CYTH4: variants seen among roughly 807,000 people sequenced by gnomAD.
CYTH4 encodes the protein cytohesin 4.
Under a neutral mutation model 57.5 loss-of-function variants are expected in CYTH4, and 22 were observed. The observed-to-expected ratio is 0.38, with a 90% CI of 0.27 to 0.55. The LOEUF (loss-of-function observed/expected upper bound fraction) is 0.55, where lower values mean the gene tolerates loss of function less well. Among genes scored for constraint, CYTH4 ranks in the 20% least tolerant of loss-of-function variants. The pLI is 0.74. For synonymous variants in CYTH4, 186 were observed against 206.5 expected (o/e 0.90, Z 0.85); for missense variants, 420 against 535.6 (o/e 0.78, Z 2.13).
chr22:37,301,025 A>G lies in CYTH4; in HGVS notation c.547+6A>G. ...AGGCGTCTTCCAGTCCACAGGTGCCAGGAGGGGAGTGGGACCCAGGGCTCC... is the reference window on the plus strand; with the variant it reads ...AGGCGTCTTCCAGTCCACAGGTGCCGGGAGGGGAGTGGGACCCAGGGCTCC... On this transcript the variant is annotated splice_donor_region_variant and intron_variant, in intron 7 of 12. Coordinates refer to ENST00000248901, the MANE Select transcript of CYTH4 (RefSeq NM_013385.5). 6.2e-7 allele frequency: 1 copy of G among 1,612,816 alleles called. No homozygotes were observed. The highest frequency in any genetic ancestry group is 8.5e-7 in the Non-Finnish European group (1 of 1,179,056).
rs1445111811 is a variant in CYTH4, at chr22:37,295,559, T to C, written c.168-440T>C. On this transcript the variant is annotated intron_variant, in intron 3 of 12. Transcript: ENST00000248901. The surrounding 1 kb of genome is among the most constrained non-coding windows in gnomAD (Gnocchi z 4.1). ...AGGTGCTTTAACCTCTCAACAATGC[T>C]GGGAGGCAGGTGGTGGTATCACCTC... is the stretch of plus-strand genomic sequence containing the variant. Among the ~76,000 whole-genome samples, 1 of 152,174 alleles carries C rather than the reference T, an allele frequency of 6.6e-6. No homozygotes were observed. The highest frequency in any genetic ancestry group is 1.5e-5 in the Non-Finnish European group (1 of 68,022).
chr22:37,308,948 C>T (rs536855273), intron 8 of CYTH4, among the ~76,000 whole-genome samples: 2 of 152,114 alleles, frequency 1.3e-5, no homozygotes, highest in African/African-American at 4.8e-5. Context: ...CCCCTGCTCG[C>T]TCTGCCCTGC....
rs768882263 is a variant in CYTH4, at chr22:37,282,626, G to A, written c.19+38G>A. ...CGTCAACCTCTCTGGGCCTCAGGGT[G>A]CTCTCTTTTAGAATGGGACAGCAGC... On this transcript the variant is annotated intron_variant, in intron 1 of 12. Transcript: ENST00000248901. 4 of 1,571,496 alleles carry A rather than the reference G, an allele frequency of 2.5e-6. No individual in the cohort carries two copies. The Admixed American group carries it at 7.3e-5, about 29-fold the overall frequency.
At chr22:37,283,111 T>G (rs1928424811) in intron 1 of CYTH4, among the ~76,000 whole-genome samples, 1 of 151,944 alleles carries the variant, frequency 6.6e-6, no homozygotes, top group Admixed American at 6.5e-5. Context: ...CTTGTCTGGG[T>G]GATACAAGGG....
intron 1 of CYTH4, among the ~76,000 whole-genome samples, chr22:37,288,678 T>C (rs1317666616): frequency 6.6e-6 from 1 of 151,806 alleles, no homozygotes; most frequent in African/African-American, 2.4e-5. Flanking sequence ...ACCCTTGTGG[T>C]CCACCTGCTG....
At chr22:37,291,995 A>T (rs1928761357) in intron 1 of CYTH4, 2 of 152,224 alleles carry the variant, frequency 1.3e-5, no homozygotes, top group Admixed American at 1.3e-4. Flanking sequence ...AGGGGCAGGG[A>T]CTATAAAATA....
chr22:37,284,564 C>T (rs1429791467), intron 1 of CYTH4, among the ~76,000 whole-genome samples: 1 of 152,188 alleles, frequency 6.6e-6, no homozygotes, highest in Admixed American at 6.5e-5. Flanking sequence ...CTTCCCCTCT[C>T]TGAGTTCTGA....
At chr22:37,309,105 G>T (rs1929537809) in intron 8 of CYTH4, 107 bp from the exon 9 acceptor site, 7 of 820,008 alleles carry the variant, frequency 8.5e-6, no homozygotes, top group African/African-American at 1.7e-5. Flanking sequence ...GAAAGAGTAT[G>T]CCTGCAGGTG....
At chr22:37,283,171 G>A (rs1928427309) in intron 1 of CYTH4, among the ~76,000 whole-genome samples, 1 of 132,816 alleles carries the variant, frequency 7.5e-6, no homozygotes, top group South Asian at 2.5e-4. Flanking sequence ...CTTTGGGGAG[G>A]CTGAGGACGC....
rs1929746172 is a variant in CYTH4, at chr22:37,313,886, C to T, written c.*375C>T. On this transcript the variant is annotated 3_prime_UTR_variant, in exon 13 of 13. Transcript: ENST00000248901. Reference sequence around the variant, plus strand: ...CTCTCTGCACTTAGATGCTGTCAGCCCTCAACGTAGGAGGGGCCGTGGGGT... The same window carrying T: ...CTCTCTGCACTTAGATGCTGTCAGCTCTCAACGTAGGAGGGGCCGTGGGGT... 1 of 274,906 alleles carries T rather than the reference C, an allele frequency of 3.6e-6. No homozygotes were observed. The highest frequency in any genetic ancestry group is 6.5e-5 in the South Asian group (1 of 15,410). 17.0% of individuals were successfully genotyped at this position (274,906 alleles called of 1,614,324 possible).
chr22:37,308,776 ATGTG>A (rs1325396217), intron 8 of CYTH4, among the ~76,000 whole-genome samples: 5 of 148,944 alleles, frequency 3.4e-5, no homozygotes, highest in Admixed American at 6.6e-5. Flanking sequence ...GCGTGCCTGC[ATGTG>A]TGTATGTGTG....
At chr22:37,307,090 C>T (rs910042068) in intron 8 of CYTH4, among the ~76,000 whole-genome samples, 1 of 152,142 alleles carries the variant, frequency 6.6e-6, no homozygotes, top group African/African-American at 2.4e-5. Flanking sequence ...GCAGGGCCAC[C>T]GGAAGGAGGC....
In CYTH4 at chr22:37,303,308, A is replaced by G; in HGVS notation, c.602A>G (p.Asn201Ser). Residue 201 changes from asparagine (N) to serine (S), a missense_variant, in exon 8 of 13, where the codon AAT (asparagine) becomes AGT (serine). Physicochemically the swap from Asn to Ser is conservative, Grantham distance 46 (BLOSUM62 1). Transcript: ENST00000248901. ...SIIMLNTSLH[N>S]PNVRDRPPFE... Reference sequence around the variant, plus strand: ...ATCATGCTCAACACCAGCCTCCACAATCCCAACGTCCGGGACAGGCCGCCT... The same window carrying G: ...ATCATGCTCAACACCAGCCTCCACAGTCCCAACGTCCGGGACAGGCCGCCT... 6.2e-7 allele frequency: 1 copy of G among 1,614,154 alleles called. No homozygotes were observed. Among genetic ancestry groups the G allele is most frequent in the Non-Finnish European group, 8.5e-7 (1 of 1,180,002 alleles).
chr22:37,309,562 C>G (rs915160715), intron 9 of CYTH4, among the ~76,000 whole-genome samples: 1 of 152,168 alleles, frequency 6.6e-6, no homozygotes, highest in East Asian at 1.9e-4. Flanking sequence ...AGCTGTAAGC[C>G]GGGCGAGAGG....
rs73417356 is a variant in CYTH4, at chr22:37,299,371, C to T, written c.434+65C>T. On this transcript the variant is annotated intron_variant, in intron 6 of 12. Transcript: ENST00000248901. ...GCACAGCCCCAGTGGCTGGGGGTGT[C>T]GCGATCCACATAGCTGACAGCACAA... The T allele has an allele frequency of 8.0e-3, 11,031 of 1,377,712 alleles. 609 individuals are homozygous for T. In the African/African-American group the frequency reaches 0.13, roughly 16 times the overall value. The allele number at this position is 1,377,712 out of a possible 1,614,324, so 85.3% of individuals were successfully genotyped here. A position where few individuals can be genotyped will look rare whatever the true frequency, so the allele number is the denominator to read the frequency against.
At chr22:37,308,797 T>C (rs1241554295) in intron 8 of CYTH4, among the ~76,000 whole-genome samples, 1 of 152,128 alleles carries the variant, frequency 6.6e-6, no homozygotes, top group South Asian at 2.1e-4. Flanking sequence ...TGTGTGAACA[T>C]GCATGTGTGT....
intron 1 of CYTH4, among the ~76,000 whole-genome samples, chr22:37,290,457 G>A (rs186690514): frequency 1.6e-3 from 250 of 152,264 alleles, no homozygotes; most frequent in Non-Finnish European, 3.0e-3. Context: ...TCTGAAAACT[G>A]GGGTAGGTCC....
At chr22:37,286,926 T>C (rs1225320650) in intron 1 of CYTH4, among the ~76,000 whole-genome samples, 2 of 152,030 alleles carry the variant, frequency 1.3e-5, no homozygotes, top group Non-Finnish European at 2.9e-5. Context: ...AGCAAAGCGA[T>C]AGCGGCTGGG....
intron 4 of CYTH4, 69 bp downstream of exon 4, chr22:37,296,134 C>T (rs1018184491): frequency 6.8e-6 from 10 of 1,472,778 alleles, no homozygotes; most frequent in South Asian, 3.7e-5. Flanking sequence ...CTGGTGTCCT[C>T]TCGCTCCCCT....
Sources: allele counts gnomAD v4.1 joint callset (sites outside exome capture counted in the v4.1 genomes callset), GRCh38; gene constraint gnomAD v4.1.1; non-coding constraint Gnocchi (gnomAD v3.1); transcripts MANE v1.5; gene names NCBI Gene and HGNC (gene_info 2026-07-23, HGNC 2026-07-21).